The following RWDD2B variants were observed in gnomAD, a reference collection of about 807,000 sequenced individuals.
RWDD2B encodes the protein RWD domain-containing protein 2B.
Under a neutral mutation model 33.6 loss-of-function variants are expected in RWDD2B, and 36 were observed. That is an observed-to-expected ratio of 1.07 (90% CI 0.82 to 1.42). The LOEUF (loss-of-function observed/expected upper bound fraction) is 1.42, where lower values mean the gene tolerates loss of function less well. Among genes scored for constraint, RWDD2B ranks in the 40% most tolerant of loss-of-function variants. The probability of loss-of-function intolerance (pLI) is 0.00; values close to 1 mark genes in which losing one functional copy is unlikely to be tolerated. For missense variants in RWDD2B, 364 were observed against 377.5 expected (o/e 0.96, Z 0.30); for synonymous variants, 126 against 133.1 (o/e 0.95, Z 0.37).
intron 1 of RWDD2B, among the ~76,000 whole-genome samples, chr21:29,010,673 TGGTCTCCCTCTCCCTCTCTTTCCAC>T (rs1157425131): frequency 4.7e-5 from 7 of 148,298 alleles, no homozygotes; most frequent in East Asian, 2.0e-4. Context: ...CGTCTCCCCA[TGGTCTCCCTCTCCCTCTCTTTCCAC>T]GGTCTCCCTC....
Position 29,006,194 on chromosome 21 carries a change from G to T in RWDD2B, c.*223C>A, listed in dbSNP as rs1054028321. ...TCAAAATGGGCAGCTGATATGTGAA[G>T]AAATATCTAACAACAATTTTAAGGT... On this transcript the variant is annotated 3_prime_UTR_variant, in exon 5 of 5. Transcript: ENST00000493196. 5.0e-6 allele frequency: 2 copies of T among 401,494 alleles called. No homozygotes were observed. The highest frequency in any genetic ancestry group is 4.1e-5 in the African/African-American group (2 of 48,302). The allele number at this position is 401,494 out of a possible 1,614,324, so 24.9% of individuals were successfully genotyped here.
chr21:29,009,227 A>G (rs1330338433), intron 1 of RWDD2B, among the ~76,000 whole-genome samples: 1 of 152,006 alleles, frequency 6.6e-6, no homozygotes, highest in Non-Finnish European at 1.5e-5. Flanking sequence ...AGCTAGGACC[A>G]CAGGTATGCA....
At chr21:29,016,139 C>T (rs2146341255) in intron 1 of RWDD2B, among the ~76,000 whole-genome samples, 1 of 152,240 alleles carries the variant, frequency 6.6e-6, no homozygotes, top group South Asian at 2.1e-4. Context: ...CATATATTAA[C>T]ATATATTTAT....
intron 1 of RWDD2B, among the ~76,000 whole-genome samples, chr21:29,015,224 GTTTTTTT>G (rs71189334): frequency 1.5e-5 from 1 of 64,812 alleles, no homozygotes; most frequent in African/African-American, 6.6e-5. Flanking sequence ...ATTATGATGC[GTTTTTTT>G]TTTTTTTTTT....
intron 1 of RWDD2B, among the ~76,000 whole-genome samples, chr21:29,012,908 G>T (rs192763260): frequency 2.0e-5 from 3 of 151,802 alleles, no homozygotes; most frequent in Non-Finnish European, 2.9e-5. Flanking sequence ...CAGTTAACTA[G>T]CCATTTTTAC....
At chr21:29,016,301 G>A (rs1035472512) in intron 1 of RWDD2B, among the ~76,000 whole-genome samples, 3 of 151,234 alleles carry the variant, frequency 2.0e-5, no homozygotes, top group Non-Finnish European at 4.4e-5. Flanking sequence ...TTTCGCTCTT[G>A]TTGCCCAGGC....
intron 1 of RWDD2B, among the ~76,000 whole-genome samples, chr21:29,015,086 T>C (rs1046642820): frequency 6.6e-6 from 1 of 152,118 alleles, no homozygotes; most frequent in Non-Finnish European, 1.5e-5. Flanking sequence ...ATGCTGTGCC[T>C]CTTCACCTAG....
At chr21:29,018,886 G>C (rs1698569797) in intron 1 of RWDD2B, among the ~76,000 whole-genome samples, 1 of 152,186 alleles carries the variant, frequency 6.6e-6, no homozygotes, top group Non-Finnish European at 1.5e-5. Context: ...TGAGATTTCT[G>C]AGTGGAATAA....
At chr21:29,006,718 A>G in intron 4 of RWDD2B, 67 bp from the exon 5 acceptor site, 1 of 908,088 alleles carries the variant, frequency 1.1e-6, no homozygotes, top group Non-Finnish European at 1.7e-6. Context: ...AACAGAAGTT[A>G]TAAAACAGAT....
intron 1 of RWDD2B, among the ~76,000 whole-genome samples, chr21:29,011,465 C>CGAGG (rs2084858690): frequency 1.4e-5 from 2 of 147,120 alleles, no homozygotes; most frequent in Admixed American, 1.3e-4. Context: ...GGAGCCCCTC[C>CGAGG]GCCCAGCAGC....
At chr21:29,009,768 CCT>C (rs1299165183) in intron 1 of RWDD2B, 24 of 152,106 alleles carry the variant, frequency 1.6e-4, no homozygotes, top group African/African-American at 5.5e-4. Flanking sequence ...TTAAGTCACC[CCT>C]GTTAACATTA....
intron 1 of RWDD2B, among the ~76,000 whole-genome samples, chr21:29,017,130 CAAAGTGCTGGGATT>C (rs1054719325): frequency 2.6e-5 from 4 of 151,802 alleles, no homozygotes; most frequent in African/African-American, 9.7e-5. Context: ...CCTGGGCTCC[CAAAGTGCTGGGATT>C]ACAGGCATGA....
At chr21:29,018,829 A>AT (rs1045572174) in intron 1 of RWDD2B, among the ~76,000 whole-genome samples, 25 of 152,254 alleles carry the variant, frequency 1.6e-4, no homozygotes, top group African/African-American at 4.6e-4. Flanking sequence ...CGCCTTTATT[A>AT]TTTTTTTAAA....
chr21:29,006,963 T>C (rs1017116181), intron 4 of RWDD2B, among the ~76,000 whole-genome samples: 2 of 152,226 alleles, frequency 1.3e-5, no homozygotes, highest in African/African-American at 4.8e-5. Context: ...TCAAATATGA[T>C]TCTGGTCATA....
At chr21:29,011,536 T>TGG (rs574406713) in intron 1 of RWDD2B, among the ~76,000 whole-genome samples, 42 of 124,840 alleles carry the variant, frequency 3.4e-4, no homozygotes, top group African/African-American at 1.1e-3. Flanking sequence ...GGAAGGGAGG[T>TGG]GGGGGGGGGT....
At chr21:29,012,385 G>A (rs2084868623) in intron 1 of RWDD2B, among the ~76,000 whole-genome samples, 1 of 152,176 alleles carries the variant, frequency 6.6e-6, no homozygotes, top group Non-Finnish European at 1.5e-5. Flanking sequence ...TGTCTGTGTA[G>A]AAAGAGGTAG....
Position 29,006,610 on chromosome 21 carries a change from C to A in RWDD2B, c.767G>T (p.Arg256Leu). ...TGTACCATCAAAAGGAATGTCTTCT[C>A]GATGGCGAATTAAAATTCTCTTCCA... Reference protein sequence around the residue: ...LNWKRILIRHREDIPFDGTND... With the variant: ...LNWKRILIRHLEDIPFDGTND... Residue 256 changes from arginine (R) to leucine (L), a missense_variant, in exon 5 of 5, where the codon CGA becomes CTA. By Grantham distance (102) the Arg-to-Leu change is moderately radical. Transcript: ENST00000493196. The A allele has an allele frequency of 1.9e-6, 3 of 1,608,164 alleles. No individual in the cohort carries two copies. Among genetic ancestry groups the A allele is most frequent in the Non-Finnish European group, 2.5e-6 (3 of 1,178,332 alleles).
At chr21:29,016,021 C>CT (rs2084888681) in intron 1 of RWDD2B, among the ~76,000 whole-genome samples, 1 of 152,136 alleles carries the variant, frequency 6.6e-6, no homozygotes, top group African/African-American at 2.4e-5. Context: ...CTCCACAGAA[C>CT]AGAGCAGGAT....
At chr21:29,007,611 G>C (rs541224033) in intron 4 of RWDD2B, 150 bp downstream of exon 4, 5 of 747,590 alleles carry the variant, frequency 6.7e-6, no homozygotes, top group Non-Finnish European at 1.1e-5. Flanking sequence ...CATATATCAG[G>C]TTTCTATATG....
Sources: gnomAD v4.1 joint callset for allele counts (sites outside exome capture counted in the v4.1 genomes callset) on GRCh38, gnomAD v4.1.1 for gene constraint, MANE v1.5 for transcripts, NCBI Gene and HGNC (gene_info 2026-07-23, HGNC 2026-07-21) for gene names.